The following SETD1B variants were observed in gnomAD, a reference collection of about 807,000 sequenced individuals.
The protein encoded by SETD1B is SET domain containing 1B, histone lysine methyltransferase.
In SETD1B, 7 loss-of-function variants were observed where a neutral mutation model predicts 148.0. That is an observed-to-expected ratio of 0.05 (90% CI 0.03 to 0.09). SETD1B has a LOEUF of 0.09. Ranked by LOEUF, SETD1B falls within the 10% of genes least tolerant of loss-of-function variation. The pLI, the probability that SETD1B is intolerant of heterozygous loss-of-function variation, is 1.00. For missense variants in SETD1B, 2,155 were observed against 2,729.9 expected (o/e 0.79, Z 4.69); for synonymous variants, 1,361 against 1,186.5 (o/e 1.15, Z -3.02).
Position 121,822,817 on chromosome 12 carries a change from C to G in SETD1B, c.4238C>G (p.Pro1413Arg), listed in dbSNP as rs990877354. ...VPGSPFSYPA[P>R]SPSLSSGGLP... Reference sequence around the variant, plus strand: ...GGCAGCCCCTTCTCCTACCCAGCCCCGTCCCCTAGCTTGAGCAGTGGGGGC... The same window carrying G: ...GGCAGCCCCTTCTCCTACCCAGCCCGGTCCCCTAGCTTGAGCAGTGGGGGC... Residue 1413 changes from proline (P) to arginine (R), a missense_variant, in exon 12 of 17, where the codon CCG (proline) becomes CGG (arginine). By Grantham distance (103) the Pro-to-Arg change is moderately radical. Coordinates refer to ENST00000604567, the MANE Select transcript of SETD1B (RefSeq NM_001353345.2). 1 of 1,503,244 alleles carries G rather than the reference C, an allele frequency of 6.7e-7. No individual in the cohort carries two copies. The highest frequency in any genetic ancestry group is 8.9e-7 in the Non-Finnish European group (1 of 1,120,424). 93.1% of individuals were successfully genotyped at this position (1,503,244 alleles called of 1,614,324 possible).
chr12:121,817,178 G>T lies in SETD1B; in HGVS notation c.2861G>T (p.Arg954Leu). Residue 954 changes from arginine to leucine, a missense_variant, in exon 8 of 17, where the codon CGT becomes CTT. Arg to Leu is a moderately radical substitution (Grantham distance 102). Around this residue, in one of 11 missense-constraint regions of SETD1B, gnomAD observed 289 missense variants for 423.7 expected, o/e 0.68. Coordinates refer to ENST00000604567, the MANE Select transcript of SETD1B (RefSeq NM_001353345.2). The surrounding 1 kb of genome is among the most constrained non-coding windows in gnomAD (Gnocchi z 8.1). ...YEGLGLGIGL[R>L]GAIRLPSFKV... Reference sequence around the variant, plus strand: ...GGCCTGGGCCTGGGCATTGGGCTGCGTGGGGCCATTCGCCTGCCCTCCTTC... The same window carrying T: ...GGCCTGGGCCTGGGCATTGGGCTGCTTGGGGCCATTCGCCTGCCCTCCTTC... The T allele has an allele frequency of 6.5e-7, 1 of 1,549,988 alleles. No individual in the cohort carries two copies.
rs752242340 is a variant in SETD1B at position 121,809,867 on chromosome 12, T to C, written c.922T>C (p.Phe308Leu). 21 of 1,551,050 alleles carry C rather than the reference T, an allele frequency of 1.4e-5. No individual in the cohort carries two copies. The highest frequency in any genetic ancestry group is 2.4e-5 in the South Asian group (2 of 84,050). ...YLFSQDPAVT[F>L]KARRHESKFT... ...CTTCAGCCAGGACCCTGCAGTGACC[T>C]TCAAGGCCCGGCGCCACGAGAGCAA... is the stretch of plus-strand genomic sequence containing the variant. Residue 308 changes from phenylalanine (F) to leucine (L), a missense_variant, in exon 6 of 17, where the codon TTC (phenylalanine) becomes CTC (leucine). Coordinates refer to ENST00000604567, the MANE Select transcript of SETD1B (RefSeq NM_001353345.2).
At chr12:121,790,401 C>T in the SETD1B span, among the ~76,000 whole-genome samples, 3 of 152,266 alleles carry the variant, frequency 2.0e-5, no homozygotes, top group Non-Finnish European at 4.4e-5. Flanking sequence ...TGGCCTTTGC[C>T]TCTCTCTACG....
chr12:121,817,877 G>A lies in SETD1B; in HGVS notation c.3391G>A (p.Glu1131Lys). ...GGACACAGCCCTGTCAGAGGCGAGTGAGAAGGACGAAGGGGACTCGGATGA... is the reference window on the plus strand; with the variant it reads ...GGACACAGCCCTGTCAGAGGCGAGTAAGAAGGACGAAGGGGACTCGGATGA... ...DEDTALSEAS[E>K]KDEGDSDEEE... The change falls in exon 10 of 17, where the codon GAG (glutamate) becomes AAG (lysine). Residue 1131 changes from glutamate to lysine, a missense_variant. By Grantham distance (56) the Glu-to-Lys change is moderately conservative. Around this residue, in one of 11 missense-constraint regions of SETD1B, gnomAD observed 862 missense variants for 873.8 expected, o/e 0.99. Coordinates refer to ENST00000604567, the MANE Select transcript of SETD1B (RefSeq NM_001353345.2). The surrounding 1 kb of genome is among the most constrained non-coding windows in gnomAD (Gnocchi z 8.1). The A allele has an allele frequency of 6.4e-7, 1 of 1,550,654 alleles. No individual in the cohort carries two copies. The highest frequency in any genetic ancestry group is 8.7e-7 in the Non-Finnish European group (1 of 1,146,504).
At position 121,830,547 on chromosome 12, in the gene SETD1B, T is replaced by G; in HGVS notation, c.*308T>G. The G allele has an allele frequency of 3.6e-6, 1 of 279,176 alleles. No individual in the cohort carries two copies. The highest frequency in any genetic ancestry group is 6.8e-6 in the Non-Finnish European group (1 of 147,940). 17.3% of individuals were successfully genotyped at this position (279,176 alleles called of 1,614,324 possible). A position where few individuals can be genotyped will look rare whatever the true frequency, so the allele number is the denominator to read the frequency against. Reference sequence around the variant, plus strand: ...CGTCTCTCCTCCCCTCTCTCTCTTCTCTGTCTCTTCTCTCTCCCACCATCA... The same window carrying G: ...CGTCTCTCCTCCCCTCTCTCTCTTCGCTGTCTCTTCTCTCTCCCACCATCA... On this transcript the variant is annotated 3_prime_UTR_variant, in exon 17 of 17. Transcript: ENST00000604567. The surrounding 1 kb of genome is among the most constrained non-coding windows in gnomAD (Gnocchi z 5.7).
rs1319386063 is a variant in SETD1B, at chr12:121,823,291, C to T, written c.4712C>T (p.Thr1571Ile). 8.4e-6 allele frequency: 13 copies of T among 1,549,328 alleles called. No homozygotes were observed. The highest frequency in any genetic ancestry group is 1.1e-5 in the Non-Finnish European group (13 of 1,146,764). ...FPSTHDPRTV[T>I]LDFRNAGIPA... is the part of the protein sequence containing the mutation. ...AGCACCCATGACCCCCGGACGGTGA[C>T]CCTGGACTTCCGGAACGCGGGGATC... Residue 1571 changes from threonine to isoleucine, a missense_variant, in exon 12 of 17, where the codon ACC becomes ATC. Around this residue, in one of 11 missense-constraint regions of SETD1B, gnomAD observed 862 missense variants for 873.8 expected, o/e 0.99. Transcript: ENST00000604567.
At chr12:121,809,093 T>C (rs1304741873) in intron 5 of SETD1B, among the ~76,000 whole-genome samples, 4 of 152,152 alleles carry the variant, frequency 2.6e-5, no homozygotes, top group African/African-American at 4.8e-5. Flanking sequence ...AGGCTGGTCT[T>C]GAACTCCTGA....
chr12:121,820,029 C>T (rs1248268619), intron 11 of SETD1B, 134 bp downstream of exon 11: 4 of 752,028 alleles, frequency 5.3e-6, no homozygotes, highest in Admixed American at 5.7e-5. Context: ...CGAGATCAGC[C>T]GGTTGTGCCT....
Position 121,805,694 on chromosome 12 carries a change from T to A in SETD1B, c.274-141T>A. On this transcript the variant is annotated intron_variant, in intron 3 of 16. Coordinates refer to ENST00000604567, the MANE Select transcript of SETD1B (RefSeq NM_001353345.2). This position sits in a 1 kb window ranked among gnomAD's most constrained non-coding sequence, Gnocchi z 4.2. ...ATTTTTTTTTTCCAAAAAAAATTTT[T>A]TTTTTTTTTTTAATTTTTAGTTTTT... 1.2e-6 allele frequency: 1 copy of A among 838,876 alleles called. No individual in the cohort carries two copies. 52.0% of individuals were successfully genotyped at this position (838,876 alleles called of 1,614,324 possible). A position where few individuals can be genotyped will look rare whatever the true frequency, so the allele number is the denominator to read the frequency against.
At chr12:121,793,844 G>T in the SETD1B span, 1 of 442,410 alleles carries the variant, frequency 2.3e-6, no homozygotes, top group South Asian at 4.7e-5. Flanking sequence ...CAGGGATACT[G>T]CAGCACCGGA....
chr12:121,800,655 C>T (rs1875297313), upstream of SETD1B: 1 of 150,012 alleles, frequency 6.7e-6, no homozygotes, highest in Non-Finnish European at 1.5e-5. Flanking sequence ...TGCCGCTCCT[C>T]CCGCCCGGCG....
chr12:121,809,804 T>A lies in SETD1B; in HGVS notation c.859T>A (p.Ser287Thr). The A allele has an allele frequency of 6.4e-7, 1 of 1,551,406 alleles. No individual in the cohort carries two copies. Among genetic ancestry groups the A allele is most frequent in the Non-Finnish European group, 8.7e-7 (1 of 1,146,942 alleles). ...CCTGGGCACCCCTTTCTCACAGGACTCCAGCTACTCCAGCCGCCAGCCCAC... is the reference window on the plus strand; with the variant it reads ...CCTGGGCACCCCTTTCTCACAGGACACCAGCTACTCCAGCCGCCAGCCCAC... ...PRLGTPFSQD[S>T]SYSSRQPTPS... Residue 287 changes from serine (S) to threonine (T), a missense_variant, in exon 6 of 17, where the codon TCC (serine) becomes ACC (threonine). Around this residue, in one of 11 missense-constraint regions of SETD1B, gnomAD observed 376 missense variants for 385.0 expected, o/e 0.98. Transcript: ENST00000604567.
the SETD1B span, chr12:121,793,249 AG>A: frequency 6.4e-7 from 1 of 1,550,462 alleles, no homozygotes; most frequent in Non-Finnish European, 8.7e-7. Flanking sequence ...GCTGCGGGAG[AG>A]GGGGTCGGGT....
chr12:121,801,589 A>G (rs954602163), upstream of SETD1B: 6 of 152,790 alleles, frequency 3.9e-5, no homozygotes, highest in South Asian at 1.0e-3. Context: ...GCCCGGTGCC[A>G]TGGAGTCTAG....
Position 121,814,933 on chromosome 12 carries a change from G to A in SETD1B, c.2715+3G>A. 2 of 1,538,016 alleles carry A rather than the reference G, an allele frequency of 1.3e-6. No homozygotes were observed. Among genetic ancestry groups the A allele is most frequent in the Non-Finnish European group, 1.8e-6 (2 of 1,137,786 alleles). On this transcript the variant is annotated splice_donor_region_variant and intron_variant, in intron 7 of 16. Transcript: ENST00000604567. The stretch of plus-strand genomic sequence containing the variant: ...ACAAGAAGGAGCGGATGGCCAAGGT[G>A]GGTGGGTGGGTGCAGGGCTCTGCAG...
chr12:121,818,889 C>CA (rs61120230), intron 10 of SETD1B, among the ~76,000 whole-genome samples: 1,274 of 65,164 alleles, frequency 0.02, 7 homozygotes, highest in South Asian at 0.081. Context: ...GACTCCGTCT[C>CA]AAAAAAAAAA....
chr12:121,812,580 G>A (rs946610673), intron 6 of SETD1B, among the ~76,000 whole-genome samples: 1 of 152,078 alleles, frequency 6.6e-6, no homozygotes, highest in African/African-American at 2.4e-5. Context: ...GGGCTGGAGC[G>A]CAGGATCTGC....
intron 12 of SETD1B, among the ~76,000 whole-genome samples, chr12:121,824,913 G>T (rs1876764758): frequency 6.6e-6 from 1 of 151,204 alleles, no homozygotes; most frequent in Non-Finnish European, 1.5e-5. Flanking sequence ...TGCTCAGAAG[G>T]CTGAGGCTGC....
upstream of SETD1B, chr12:121,800,894 G>C (rs1408511928): frequency 6.6e-6 from 1 of 151,906 alleles, no homozygotes; most frequent in African/African-American, 2.4e-5. Context: ...CGACCGGGGG[G>C]ACGGAGGAAA....
Sources: gnomAD v4.1 joint callset for allele counts (sites outside exome capture counted in the v4.1 genomes callset) on GRCh38, gnomAD v4.1.1 for gene constraint, gnomAD v4.1.1 regional missense constraint, Gnocchi (gnomAD v3.1) non-coding constraint, MANE v1.5 for transcripts, NCBI Gene and HGNC (gene_info 2026-07-23, HGNC 2026-07-21) for gene names.